PATL2: variants seen among roughly 807,000 people sequenced by gnomAD.
PATL2 encodes the protein protein PAT1 homolog 2.
Under a neutral mutation model 77.0 loss-of-function variants are expected in PATL2, and 73 were observed. The ratio of observed to expected loss-of-function variants is 0.95; its 90% CI spans 0.78 to 1.15. The LOEUF (loss-of-function observed/expected upper bound fraction) is 1.15, where lower values mean the gene tolerates loss of function less well. Ranked by LOEUF, PATL2 falls within the 50% of genes most tolerant of loss-of-function variation. The probability of loss-of-function intolerance (pLI) is 0.00; values close to 1 mark genes in which losing one functional copy is unlikely to be tolerated. For missense variants in PATL2, 618 were observed against 655.4 expected (o/e 0.94, Z 0.62); for synonymous variants, 265 against 257.1 (o/e 1.03, Z -0.29).
chr15:44,678,180 C>A (rs1188302498), intron 3 of PATL2, among the ~76,000 whole-genome samples: 1 of 152,156 alleles, frequency 6.6e-6, no homozygotes, highest in Non-Finnish European at 1.5e-5. Context: ...TAATGTTATT[C>A]AGCTGTTTCT....
intron 3 of PATL2, 160 bp from the exon 4 acceptor site, chr15:44,676,725 A>C: frequency 8.2e-7 from 1 of 1,217,826 alleles, no homozygotes; most frequent in South Asian, 1.6e-5. Context: ...ATAAACACCC[A>C]CCCTCCCAGC....
Position 44,673,298 on chromosome 15 carries a change from C to A in PATL2, c.383G>T (p.Arg128Leu). 6.4e-7 allele frequency: 1 copy of A among 1,551,582 alleles called. No homozygotes were observed. The highest frequency in any genetic ancestry group is 8.7e-7 in the Non-Finnish European group (1 of 1,146,968). Residue 128 changes from arginine (R) to leucine (L), a missense_variant, in exon 7 of 18, where the codon CGG (arginine) becomes CTG (leucine). Arg to Leu is a moderately radical substitution (Grantham distance 102). Coordinates refer to ENST00000682850, the MANE Select transcript of PATL2 (RefSeq NM_001387263.1). ...GAGAGTTGGGTCTGGTGAGGGCAGC[C>A]GAGGTCCAAAGTGCTGTGCTGGAGA... The part of the protein sequence containing the change: ...TSSPAQHFGP[R>L]LPSPDPTLFC...
At chr15:44,694,174 C>T (rs1374972076) in intron 3 of PATL2, among the ~76,000 whole-genome samples, 1 of 152,176 alleles carries the variant, frequency 6.6e-6, no homozygotes, top group African/African-American at 2.4e-5. Context: ...ACTGAGCCAC[C>T]TCCTGCCTGT....
At chr15:44,698,496 T>C (rs1281249041) in intron 3 of PATL2, among the ~76,000 whole-genome samples, 1 of 152,116 alleles carries the variant, frequency 6.6e-6, no homozygotes, top group Non-Finnish European at 1.5e-5. Flanking sequence ...ACAAAGTTTG[T>C]CTTTCTATGC....
At chr15:44,686,523 T>C (rs1204720970) in intron 3 of PATL2, among the ~76,000 whole-genome samples, 2 of 151,634 alleles carry the variant, frequency 1.3e-5, no homozygotes, top group African/African-American at 2.4e-5. Context: ...GCAAACAAAT[T>C]CAAAAGCTAG....
chr15:44,671,585 G>T (rs571488523), intron 9 of PATL2, among the ~76,000 whole-genome samples: 10 of 152,110 alleles, frequency 6.6e-5, no homozygotes, highest in African/African-American at 2.4e-4. Flanking sequence ...GGAAGCAGGG[G>T]AAAATGAGTA....
chr15:44,676,701 G>A (rs1025299880), intron 3 of PATL2, 136 bp from the exon 4 acceptor site: 16 of 1,170,036 alleles, frequency 1.4e-5, no homozygotes, highest in African/African-American at 1.6e-5. Flanking sequence ...GAGACCCTGG[G>A]GTCTCAGACT....
At chr15:44,684,292 C>G (rs1566862200) in intron 3 of PATL2, among the ~76,000 whole-genome samples, 1 of 151,934 alleles carries the variant, frequency 6.6e-6, no homozygotes, top group Non-Finnish European at 1.5e-5. Flanking sequence ...TAATAACAAA[C>G]TGCTCCAAGC....
chr15:44,708,917 G>C (rs2086794012), intron 3 of PATL2, among the ~76,000 whole-genome samples: 1 of 151,674 alleles, frequency 6.6e-6, no homozygotes, highest in South Asian at 2.1e-4. Flanking sequence ...TTTTCTTTTT[G>C]AGATGAAGTC....
intron 3 of PATL2, among the ~76,000 whole-genome samples, chr15:44,679,552 C>CTTTTTTT (rs545161525): frequency 9.0e-4 from 103 of 114,272 alleles, no homozygotes; most frequent in Middle Eastern, 4.6e-3. Flanking sequence ...TTTTCTTTTT[C>CTTTTTTT]TTTTTTTTTT....
intron 3 of PATL2, among the ~76,000 whole-genome samples, chr15:44,704,352 G>A (rs1362788466): frequency 6.6e-6 from 1 of 151,634 alleles, no homozygotes; most frequent in South Asian, 2.1e-4. Flanking sequence ...TTACCATAAG[G>A]CTTGTATTTA....
chr15:44,670,588 C>T (rs998161852), intron 9 of PATL2, among the ~76,000 whole-genome samples: 1 of 152,204 alleles, frequency 6.6e-6, no homozygotes, highest in Admixed American at 6.5e-5. Flanking sequence ...GTGTCTTAAG[C>T]ACCCTGGGCC....
chr15:44,705,774 T>A (rs2086721304), intron 3 of PATL2, among the ~76,000 whole-genome samples: 1 of 152,000 alleles, frequency 6.6e-6, no homozygotes, highest in East Asian at 1.9e-4. Context: ...TCCTTCTCTG[T>A]GTTAGCTTTA....
chr15:44,675,467 T>C lies in PATL2; in HGVS notation c.222+19A>G, dbSNP rs1180302199. ...GACAGTTCAGGACAACCCTCTCCCATTCCCTTCTGCCATGGTACCTGGGTG... is the reference window on the plus strand; with the variant it reads ...GACAGTTCAGGACAACCCTCTCCCACTCCCTTCTGCCATGGTACCTGGGTG... On this transcript the variant is annotated intron_variant, in intron 5 of 17. Coordinates refer to ENST00000682850, the MANE Select transcript of PATL2 (RefSeq NM_001387263.1). 6.5e-7 allele frequency: 1 copy of C among 1,547,454 alleles called. No individual in the cohort carries two copies. The highest frequency in any genetic ancestry group is 1.2e-5 in the South Asian group (1 of 83,386).
Position 44,672,424 on chromosome 15 carries a change from C to T in PATL2, c.479G>A (p.Arg160Gln), listed in dbSNP as rs1051190156. The T allele has an allele frequency of 2.7e-4, 416 of 1,551,674 alleles. 1 individual carries two copies. Among genetic ancestry groups the T allele is most frequent in the African/African-American group, 5.5e-5 (4 of 73,158 alleles). ...HLTQLHPRHQ[R>Q]ILQQQQHSQT... ...ACTATGCTGCTGCTGCTGCAAGATT[C>T]GTTGGTGCCGAGGGTGGAGCTGGGT... Residue 160 changes from arginine (R) to glutamine (Q), a missense_variant, in exon 8 of 18, where the codon CGA becomes CAA. Physicochemically the swap from Arg to Gln is conservative, Grantham distance 43. Transcript: ENST00000682850.
rs1423875004 is a variant in PATL2, at chr15:44,669,294, C to G, written c.1050G>C (p.Glu350Asp). Residue 350 changes from glutamate (E) to aspartate (D), a missense_variant, in exon 13 of 18, where the codon GAG becomes GAC. Transcript: ENST00000682850. ...EKLFQTLKTQ[E>D]QNNLEEAADG... ...CCCACACTCACTCCAGGTTGTTCTG[C>G]TCCTGGGTCTTTAAGGTCTGGAAGA... is the stretch of plus-strand genomic sequence containing the variant. 1 of 1,551,060 alleles carries G rather than the reference C, an allele frequency of 6.4e-7. No individual in the cohort carries two copies. Among genetic ancestry groups the G allele is most frequent in the African/African-American group, 1.4e-5 (1 of 73,052 alleles).
At position 44,711,081 on chromosome 15, in the gene PATL2, T is replaced by G. The variant is rs777287843; in HGVS notation, c.-315A>C. The G allele has an allele frequency of 1.8e-5, 5 of 280,196 alleles. No homozygotes were observed. Among genetic ancestry groups the G allele is most frequent in the Non-Finnish European group, 3.5e-5 (5 of 141,644 alleles). The allele number at this position is 280,196 out of a possible 1,614,324, so 17.4% of individuals were successfully genotyped here. A position where few individuals can be genotyped will look rare whatever the true frequency, so the allele number is the denominator to read the frequency against. On this transcript the variant is annotated 5_prime_UTR_variant, in exon 1 of 18. Transcript: ENST00000682850. Reference sequence around the variant, plus strand: ...CTGTAGTTATAAACAGAAGTTCTCCTTCTGCTAGGTAGCATTCAAAGATCT... The same window carrying G: ...CTGTAGTTATAAACAGAAGTTCTCCGTCTGCTAGGTAGCATTCAAAGATCT...
Position 44,665,949 on chromosome 15 carries a change from CAG to C in PATL2, c.*2_*3del. The C allele has an allele frequency of 6.5e-7, 1 of 1,546,260 alleles. No homozygotes were observed. The highest frequency in any genetic ancestry group is 1.2e-5 in the South Asian group (1 of 83,016). On this transcript the variant is annotated 3_prime_UTR_variant, in exon 18 of 18. Coordinates refer to ENST00000682850, the MANE Select transcript of PATL2 (RefSeq NM_001387263.1). The stretch of plus-strand genomic sequence containing the variant: ...CCACATACACGTATTCCAGAACAAA[CAG>C]ATCAGTAAATCCAGGCAAACCTATA...
In PATL2 at chr15:44,687,636, A is replaced by G. The variant is rs544821231; in HGVS notation, c.-75-11071T>C. Among the ~76,000 whole-genome samples, 7 of 152,336 alleles carry G rather than the reference A, an allele frequency of 4.6e-5. No individual in the cohort carries two copies. The East Asian group carries it at 9.6e-4, about 21-fold the overall frequency. On this transcript the variant is annotated intron_variant, in intron 3 of 17. Transcript: ENST00000682850. ...CAAATTGTCTCTGCTTGCAGATGAC[A>G]TGATTGTATATTTAGAAAACCCCAT...
Sources: gnomAD v4.1 joint callset for allele counts (sites outside exome capture counted in the v4.1 genomes callset) on GRCh38, gnomAD v4.1.1 for gene constraint, MANE v1.5 for transcripts, NCBI Gene and HGNC (gene_info 2026-07-23, HGNC 2026-07-21) for gene names.